SAMSN1: variants seen among roughly 807,000 people sequenced by gnomAD.
SAMSN1 encodes the protein SAM domain-containing protein SAMSN-1.
Under a neutral mutation model 42.0 loss-of-function variants are expected in SAMSN1, and 31 were observed. The observed-to-expected ratio is 0.74, with a 90% CI of 0.55 to 1.00. The LOEUF (loss-of-function observed/expected upper bound fraction) is 1.00. Among genes scored for constraint, SAMSN1 ranks in the 50% least tolerant of loss-of-function variants. The probability of loss-of-function intolerance (pLI) is 0.00; values close to 1 mark genes in which losing one functional copy is unlikely to be tolerated. For synonymous variants in SAMSN1, 178 were observed against 151.9 expected (o/e 1.17, Z -1.26); for missense variants, 464 against 439.4 (o/e 1.06, Z -0.50).
chr21:14,593,930 A>G lies in SAMSN1; in HGVS notation c.465+83T>C, dbSNP rs1040179423. The stretch of plus-strand genomic sequence containing the variant: ...AACAGAAGTAATAAAGAACTATAGA[A>G]AACAGTGCTTGTGGCATTAAAATGA... On this transcript the variant is annotated intron_variant, in intron 7 of 15. Coordinates refer to the SAMSN1 transcript ENST00000647101. The G allele has an allele frequency of 5.7e-6, 4 of 696,266 alleles. No individual in the cohort carries two copies. The African/African-American group carries it at 7.1e-5, about 12-fold the overall frequency. The allele number at this position is 696,266 out of a possible 1,614,324, so 43.1% of individuals were successfully genotyped here.
intron 2 of SAMSN1, among the ~76,000 whole-genome samples, chr21:14,578,680 C>CAAA (rs769354531): frequency 3.1e-3 from 199 of 63,476 alleles, no homozygotes; most frequent in East Asian, 4.3e-3. Context: ...GAGAATCCAT[C>CAAA]AAAAAAAAAA....
At chr21:14,528,681 A>AT (rs1468162885) in intron 1 of SAMSN1, among the ~76,000 whole-genome samples, 3 of 152,136 alleles carry the variant, frequency 2.0e-5, no homozygotes, top group Non-Finnish European at 4.4e-5. Context: ...TATTGAAGGT[A>AT]TTTTTTTCAT....
At chr21:14,574,946 G>T (rs1981412292) in intron 2 of SAMSN1, among the ~76,000 whole-genome samples, 1 of 151,976 alleles carries the variant, frequency 6.6e-6, no homozygotes, top group African/African-American at 2.4e-5. Context: ...TTTATATACA[G>T]GTACTACAAA....
At chr21:14,616,444 A>T (rs1033506003) in intron 2 of SAMSN1, among the ~76,000 whole-genome samples, 1 of 152,200 alleles carries the variant, frequency 6.6e-6, no homozygotes, top group Non-Finnish European at 1.5e-5. Context: ...TGTATCATAG[A>T]GTGCCTTCAT....
intron 2 of SAMSN1, among the ~76,000 whole-genome samples, chr21:14,641,176 C>T (rs1983590059): frequency 6.6e-6 from 1 of 151,986 alleles, no homozygotes; most frequent in African/African-American, 2.4e-5. Flanking sequence ...ATTATTGCCC[C>T]CTCTTATGCA....
At chr21:14,525,438 A>G (rs1238390820) in intron 1 of SAMSN1, among the ~76,000 whole-genome samples, 1 of 152,212 alleles carries the variant, frequency 6.6e-6, no homozygotes, top group African/African-American at 2.4e-5. Context: ...GCAAATCAAT[A>G]TAAAAAAATT....
At chr21:14,516,607 G>A (rs1013360719) in intron 3 of SAMSN1, among the ~76,000 whole-genome samples, 4 of 152,110 alleles carry the variant, frequency 2.6e-5, no homozygotes, top group Admixed American at 6.6e-5. Context: ...GGCCAGGCTG[G>A]TCTTGAACTC....
At chr21:14,655,080 T>A (rs907589127) in intron 1 of SAMSN1, among the ~76,000 whole-genome samples, 9 of 151,302 alleles carry the variant, frequency 5.9e-5, no homozygotes, top group Admixed American at 1.3e-4. Context: ...AAATGTAATA[T>A]TAAAGAAATA....
intron 1 of SAMSN1, chr21:14,523,525 G>A (rs1978633767): frequency 6.6e-6 from 1 of 152,180 alleles, no homozygotes; most frequent in Non-Finnish European, 1.5e-5. Flanking sequence ...TGCCTAGGAG[G>A]TGTTTCCATC....
At chr21:14,618,465 A>T (rs1982901027) in intron 2 of SAMSN1, among the ~76,000 whole-genome samples, 1 of 152,220 alleles carries the variant, frequency 6.6e-6, no homozygotes, top group South Asian at 2.1e-4. Context: ...GAACTGGTTA[A>T]GCAATTTTTA....
intron 2 of SAMSN1, among the ~76,000 whole-genome samples, chr21:14,581,879 C>T (rs965848020): frequency 2.0e-5 from 3 of 152,064 alleles, no homozygotes; most frequent in East Asian, 1.9e-4. Context: ...AGTCAACACA[C>T]GAAGTCTTCC....
intron 2 of SAMSN1, among the ~76,000 whole-genome samples, chr21:14,570,180 T>C (rs1334108552): frequency 1.3e-5 from 2 of 152,106 alleles, no homozygotes; most frequent in East Asian, 3.9e-4. Flanking sequence ...CCATTAAATC[T>C]CTCCACAGGG....
rs376577285 is a variant in SAMSN1 at position 14,588,573 on chromosome 21, T to TTC, written c.466-4798_466-4797insGA. On this transcript the variant is annotated intron_variant, in intron 7 of 15. Transcript: ENST00000647101. ...TTGAGAAGTATCTGTTCATGTCCTT[T>TTC]GCCCACTAAGCACAGTCAGAACTGA... 7.4e-3 allele frequency among the ~76,000 whole-genome samples: 1,129 copies of TTC among 152,106 alleles called. 10 individuals carry two copies. The highest frequency in any genetic ancestry group is 0.018 in the African/African-American group (765 of 41,526).
chr21:14,501,049 A>T (rs916648750), intron 5 of SAMSN1, among the ~76,000 whole-genome samples: 2 of 151,190 alleles, frequency 1.3e-5, no homozygotes, highest in Admixed American at 1.3e-4. Flanking sequence ...GGTAGCATGT[A>T]TCTGTAGACT....
intron 2 of SAMSN1, among the ~76,000 whole-genome samples, chr21:14,575,214 G>T (rs183017751): frequency 2.0e-5 from 3 of 152,100 alleles, no homozygotes; most frequent in Admixed American, 1.3e-4. Context: ...TTCTTCTCTT[G>T]GGTAAATGCT....
chr21:14,554,939 C>A (rs1203201895), intron 2 of SAMSN1, among the ~76,000 whole-genome samples: 1 of 152,016 alleles, frequency 6.6e-6, no homozygotes, highest in African/African-American at 2.4e-5. Context: ...TCAAGAAATT[C>A]TCCTGCTTGG....
chr21:14,594,431 G>T (rs1982195421), intron 6 of SAMSN1, among the ~76,000 whole-genome samples: 1 of 152,102 alleles, frequency 6.6e-6, no homozygotes, highest in African/African-American at 2.4e-5. Flanking sequence ...AGGGTTGGTG[G>T]AAAGGGGGGA....
intron 4 of SAMSN1, among the ~76,000 whole-genome samples, chr21:14,512,067 C>T (rs567596648): frequency 8.6e-4 from 131 of 152,156 alleles, no homozygotes; most frequent in South Asian, 2.1e-3. Context: ...GAGAATGGAG[C>T]AGAAAATAAA....
intron 2 of SAMSN1, among the ~76,000 whole-genome samples, chr21:14,641,996 A>G (rs1243586531): frequency 6.6e-6 from 1 of 152,218 alleles, no homozygotes; most frequent in Non-Finnish European, 1.5e-5. Context: ...ACAAGTAAGT[A>G]AGCTAGAGAA....
Sources: allele counts gnomAD v4.1 joint callset (sites outside exome capture counted in the v4.1 genomes callset), GRCh38; gene constraint gnomAD v4.1.1; transcripts MANE v1.5; gene names NCBI Gene and HGNC (gene_info 2026-07-23, HGNC 2026-07-21).